The following THEMIS variants were observed in gnomAD, a reference collection of about 807,000 sequenced individuals.
The protein encoded by THEMIS is protein THEMIS.
In THEMIS, 37 loss-of-function variants were observed where a neutral mutation model predicts 52.6. That is an observed-to-expected ratio of 0.70 (90% confidence interval 0.54 to 0.93). The LOEUF is 0.93. Ranked by LOEUF, THEMIS falls within the 40% of genes least tolerant of loss-of-function variation. THEMIS has a pLI of 0.00. For missense variants in THEMIS, 808 were observed against 763.1 expected, an observed-to-expected ratio of 1.06 and a Z score of -0.69; for synonymous variants, 292 against 272.7, an observed-to-expected ratio of 1.07 and a Z score of -0.70.
At chr6:127,861,923 A>T (rs1779817323) in intron 1 of THEMIS, among the ~76,000 whole-genome samples, 1 of 152,216 alleles carries the variant, frequency 6.6e-6, no homozygotes, top group South Asian at 2.1e-4. Flanking sequence ...TGTGCATTTT[A>T]AAATTTTATT....
At chr6:127,902,337 A>AAAAT (rs1554248901), upstream of THEMIS, among the ~76,000 whole-genome samples, 272 of 148,064 alleles carry the variant, frequency 1.8e-3, 1 homozygote, top group Non-Finnish European at 3.2e-3. Flanking sequence ...AAAAAAAAAA[A>AAAAT]AAAAAAAATA....
chr6:127,812,770 G>A (rs1777954147), intron 4 of THEMIS, 113 bp downstream of exon 4: 2 of 1,089,978 alleles, frequency 1.8e-6, no homozygotes, highest in East Asian at 2.4e-5. Context: ...AAAGCTCATT[G>A]CAAATATGGC....
intron 4 of THEMIS, among the ~76,000 whole-genome samples, chr6:127,804,793 T>G (rs1430820543): frequency 1.3e-5 from 2 of 152,156 alleles, no homozygotes; most frequent in African/African-American, 2.4e-5. Flanking sequence ...ATTTCACAAC[T>G]GGTAATTGCA....
Position 127,774,559 on chromosome 6 carries a change from G to A in THEMIS, c.1758+38324C>T, listed in dbSNP as rs74297174. Reference sequence around the variant, plus strand: ...ACCAGAAACTGGCCCAGAAACACTTGTACTACATCTAATTGCTTAAAGCAA... The same window carrying A: ...ACCAGAAACTGGCCCAGAAACACTTATACTACATCTAATTGCTTAAAGCAA... On this transcript the variant is annotated intron_variant, in intron 4 of 5. Transcript: ENST00000368248. Among the ~76,000 whole-genome samples, 92 of 152,282 alleles carry A rather than the reference G, an allele frequency of 6.0e-4. No homozygotes were observed. The East Asian group carries it at 0.016, about 27-fold the overall frequency.
intron 3 of THEMIS, among the ~76,000 whole-genome samples, chr6:127,815,084 A>C (rs1296691012): frequency 1.3e-5 from 2 of 152,122 alleles, no homozygotes; most frequent in African/African-American, 4.8e-5. Context: ...CTGAGAAGCA[A>C]ATGTTGCAGT....
At chr6:127,745,559 T>A (rs993715434) in intron 4 of THEMIS, among the ~76,000 whole-genome samples, 7 of 151,872 alleles carry the variant, frequency 4.6e-5, no homozygotes, top group Admixed American at 2.0e-4. Context: ...AATATATTGG[T>A]ATTATGCCCT....
In THEMIS at chr6:127,913,473, CA is replaced by C. The variant is rs146679108; in HGVS notation, c.-150+4954del. ...CCAGCACTATGCTAAGAAATGTTTT[CA>C]AAAAAAACAAATGAATGGACTTGAC... On this transcript the variant is annotated intron_variant, in intron 1 of 6. Coordinates refer to the THEMIS transcript ENST00000368250. Among the ~76,000 whole-genome samples the C allele has an allele frequency of 5.1e-3, 775 of 151,724 alleles. 6 individuals are homozygous for C. The highest frequency in any genetic ancestry group is 0.018 in the African/African-American group (735 of 41,390).
In THEMIS at chr6:127,876,201, C is replaced by T. The variant is rs78023918; in HGVS notation, c.92-21013G>A. On this transcript the variant is annotated intron_variant, in intron 1 of 5. Coordinates refer to ENST00000368248, the MANE Select transcript of THEMIS (RefSeq NM_001010923.3). ...CAATGAAATGTGTTACAGAGTGAAC[C>T]AGGCATGCACAAGCGTCTAAATAAG... Among the ~76,000 whole-genome samples, 947 of 152,196 alleles carry T rather than the reference C, an allele frequency of 6.2e-3. 14 individuals are homozygous for T. The highest frequency in any genetic ancestry group is 0.022 in the African/African-American group (914 of 41,508).
intron 4 of THEMIS, among the ~76,000 whole-genome samples, chr6:127,812,310 T>C (rs1254069088): frequency 1.3e-5 from 2 of 152,158 alleles, no homozygotes; most frequent in Non-Finnish European, 2.9e-5. Context: ...ATTGATTTTG[T>C]TTTTCAATAG....
Position 127,813,624 on chromosome 6 carries a change from T to A in THEMIS, c.1017A>T (p.Lys339Asn). 1 of 1,614,102 alleles carries A rather than the reference T, an allele frequency of 6.2e-7. No individual in the cohort carries two copies. The highest frequency in any genetic ancestry group is 8.5e-7 in the Non-Finnish European group (1 of 1,180,004). The change falls in exon 4 of 6, where the codon AAA becomes AAT. Residue 339 changes from lysine to asparagine, a missense_variant. Coordinates refer to ENST00000368248, the MANE Select transcript of THEMIS (RefSeq NM_001010923.3). ...KRHFLIPTSYKGKFKRRPREF... is the reference protein window; with the variant it reads ...KRHFLIPTSYNGKFKRRPREF... ...CCCTCGGTCGCCGCTTGAACTTGCC[T>A]TTATAGCTAGTGGGGATCAAGAAGT...
intron 4 of THEMIS, among the ~76,000 whole-genome samples, chr6:127,783,160 T>A (rs1392047316): frequency 6.6e-6 from 1 of 152,168 alleles, no homozygotes; most frequent in Admixed American, 6.5e-5. Context: ...ATTTAATAAC[T>A]GGTGTTGGGA....
chr6:127,732,923 C>T (rs1774861411), intron 4 of THEMIS, among the ~76,000 whole-genome samples: 1 of 152,106 alleles, frequency 6.6e-6, no homozygotes, highest in Non-Finnish European at 1.5e-5. Context: ...CCTGCAGTTT[C>T]CCAGAGTAAT....
intron 2 of THEMIS, among the ~76,000 whole-genome samples, chr6:127,841,654 T>C (rs1358914641): frequency 1.3e-5 from 2 of 151,712 alleles, no homozygotes; most frequent in Non-Finnish European, 2.9e-5. Flanking sequence ...TTGGCTAATA[T>C]ACATGGTAGT....
intron 2 of THEMIS, among the ~76,000 whole-genome samples, chr6:127,832,714 A>G (rs1237332207): frequency 6.7e-6 from 1 of 150,078 alleles, no homozygotes; most frequent in African/African-American, 2.4e-5. Context: ...GCCAATATGC[A>G]ACCTTTATAA....
At chr6:127,702,237 G>A in the THEMIS span, among the ~76,000 whole-genome samples, 8 of 152,052 alleles carry the variant, frequency 5.3e-5, no homozygotes, top group South Asian at 8.3e-4. Flanking sequence ...GCTTACAAAA[G>A]TCAACTGTTT....
At position 127,900,901 on chromosome 6, in the gene THEMIS, G is replaced by C; in HGVS notation, c.32C>G (p.Ser11Cys). Residue 11 changes from serine (S) to cysteine (C), a missense_variant, in exon 1 of 6, where the codon TCC becomes TGC. By Grantham distance (112) the Ser-to-Cys change is moderately radical. Transcript: ENST00000368248. ...CCTGGGTAGGGTCCTGAGGTCAAGGGAGTGGACGAATTCTTCCAGTGATAA... is the reference window on the plus strand; with the variant it reads ...CCTGGGTAGGGTCCTGAGGTCAAGGCAGTGGACGAATTCTTCCAGTGATAA... MALSLEEFVH[S>C]LDLRTLPRVL... 1.2e-6 allele frequency: 2 copies of C among 1,613,166 alleles called. No homozygotes were observed. Among genetic ancestry groups the C allele is most frequent in the Non-Finnish European group, 8.5e-7 (1 of 1,179,400 alleles).
At chr6:127,713,578 G>A (rs1019799116) in intron 5 of THEMIS, among the ~76,000 whole-genome samples, 13 of 151,858 alleles carry the variant, frequency 8.6e-5, no homozygotes, top group African/African-American at 3.1e-4. Context: ...AGAGCACAAA[G>A]GAGGCAGATA....
Position 127,896,225 on chromosome 6 carries a change from G to T in THEMIS, c.91+4617C>A, listed in dbSNP as rs73773937. Among the ~76,000 whole-genome samples the T allele has an allele frequency of 5.2e-3, 779 of 151,058 alleles. 6 individuals carry two copies. Among genetic ancestry groups the T allele is most frequent in the African/African-American group, 0.018 (741 of 41,330 alleles). ...TCAGTGGTCATGAATGAAATACAGAGATCTTTTTTTTATCATTACCTCTAT... is the reference window on the plus strand; with the variant it reads ...TCAGTGGTCATGAATGAAATACAGATATCTTTTTTTTATCATTACCTCTAT... On this transcript the variant is annotated intron_variant, in intron 1 of 5. Transcript: ENST00000368248.
chr6:127,759,287 T>A (rs1189572723), intron 4 of THEMIS, among the ~76,000 whole-genome samples: 1 of 152,102 alleles, frequency 6.6e-6, no homozygotes, highest in Non-Finnish European at 1.5e-5. Flanking sequence ...TATAGGTAAA[T>A]TTTGAGGTTT....
Sources: gnomAD v4.1 joint callset for allele counts (sites outside exome capture counted in the v4.1 genomes callset) on GRCh38, gnomAD v4.1.1 for gene constraint, MANE v1.5 for transcripts, NCBI Gene and HGNC (gene_info 2026-07-23, HGNC 2026-07-21) for gene names.